The following GSK3B variants were observed in gnomAD, a reference collection of about 807,000 sequenced individuals.
GSK3B encodes glycogen synthase kinase 3 beta.
GSK3B carries 15 observed loss-of-function variants against 56.4 expected under a neutral mutation model. That is an observed-to-expected ratio of 0.27 (90% CI 0.18 to 0.41). GSK3B has a LOEUF of 0.41. GSK3B is among the 10% of genes least tolerant of loss of function. GSK3B has a pLI of 1.00. For synonymous variants in GSK3B, 181 were observed against 188.9 expected (o/e 0.96, Z 0.34); for missense variants, 300 against 513.4 (o/e 0.58, Z 4.02).
At chr3:119,869,231 A>AAAC (rs1170724265) in intron 8 of GSK3B, among the ~76,000 whole-genome samples, 1 of 149,716 alleles carries the variant, frequency 6.7e-6, no homozygotes, top group African/African-American at 2.5e-5. Context: ...CTCAAAAAAA[A>AAAC]AAAAAAAAAA....
chr3:120,069,848 C>T (rs528566914), intron 1 of GSK3B, among the ~76,000 whole-genome samples: 6 of 152,098 alleles, frequency 3.9e-5, no homozygotes, highest in South Asian at 2.1e-4. Context: ...TTTCTTAATG[C>T]CCTATAAAAT....
chr3:120,015,649 CAAAAAAAAAAAAAA>C (rs61520236), intron 1 of GSK3B, among the ~76,000 whole-genome samples: 1,917 of 47,034 alleles, frequency 0.041, 57 homozygotes, highest in African/African-American at 0.12. Flanking sequence ...GACTCTGTCT[CAAAAAAAAAAAAAA>C]AAAAAAAAAA....
At chr3:119,985,409 A>G (rs2057506301) in intron 2 of GSK3B, among the ~76,000 whole-genome samples, 1 of 152,206 alleles carries the variant, frequency 6.6e-6, no homozygotes, top group Admixed American at 6.5e-5. Flanking sequence ...CCCTGTTTGC[A>G]GATGACATGA....
intron 2 of GSK3B, among the ~76,000 whole-genome samples, chr3:119,997,330 T>G (rs554788192): frequency 2.0e-5 from 3 of 152,256 alleles, no homozygotes; most frequent in Admixed American, 2.0e-4. Flanking sequence ...AAGATGTATT[T>G]ACATGGAGGA....
rs200303057 is a variant in GSK3B at position 120,069,869 on chromosome 3, TG to T, written c.88+23477del. On this transcript the variant is annotated intron_variant, in intron 1 of 10. Coordinates refer to ENST00000264235, the MANE Select transcript of GSK3B (RefSeq NM_001146156.2). ...AATGCCCTATAAAATATATTTAAGATGGAATTTCTATTACTTTAAAAATGCA... is the reference window on the plus strand; with the variant it reads ...AATGCCCTATAAAATATATTTAAGATGAATTTCTATTACTTTAAAAATGCA... Among the ~76,000 whole-genome samples, 111 of 152,282 alleles carry T rather than the reference TG, an allele frequency of 7.3e-4. 1 individual carries two copies. The East Asian group carries it at 0.021, about 29-fold the overall frequency.
Position 119,826,659 on chromosome 3 carries a change from A to G in GSK3B, c.*129T>C, listed in dbSNP as rs72548714. 1,503 of 724,198 alleles carry G rather than the reference A, an allele frequency of 2.1e-3. 6 individuals are homozygous for G. The highest frequency in any genetic ancestry group is 3.1e-3 in the Admixed American group (155 of 50,124). The allele number at this position is 724,198 out of a possible 1,614,324, so 44.9% of individuals were successfully genotyped here. A position where few individuals can be genotyped will look rare whatever the true frequency, so the allele number is the denominator to read the frequency against. ...TAAATAAGAACAACAATAATAATAA[A>G]AAAATTGAACACTAAAATGAACAGG... On this transcript the variant is annotated 3_prime_UTR_variant, in exon 11 of 11. Transcript: ENST00000264235.
intron 2 of GSK3B, among the ~76,000 whole-genome samples, chr3:119,993,601 G>C (rs1289894977): frequency 1.3e-5 from 2 of 152,180 alleles, no homozygotes; most frequent in Non-Finnish European, 2.9e-5. Flanking sequence ...AAACTAGCTT[G>C]TAAATTCTAG....
intron 1 of GSK3B, among the ~76,000 whole-genome samples, chr3:120,031,536 T>C (rs2057975503): frequency 6.6e-6 from 1 of 152,148 alleles, no homozygotes; most frequent in African/African-American, 2.4e-5. Flanking sequence ...TTTTTTCCCA[T>C]GGCCCACCTC....
chr3:119,865,454 ATATATATATATATTTT>A (rs1360607439), intron 8 of GSK3B, among the ~76,000 whole-genome samples: 4 of 18,972 alleles, frequency 2.1e-4, no homozygotes, highest in African/African-American at 4.5e-4. Context: ...ATATATATAT[ATATATATATATATTTT>A]TTTTTTTTTT....
chr3:120,020,235 T>G (rs2057864540), intron 1 of GSK3B, among the ~76,000 whole-genome samples: 1 of 152,214 alleles, frequency 6.6e-6, no homozygotes, highest in African/African-American at 2.4e-5. Flanking sequence ...CCATACATTT[T>G]CAAATACTGA....
intron 7 of GSK3B, among the ~76,000 whole-genome samples, chr3:119,905,350 T>C (rs1159989771): frequency 6.6e-6 from 1 of 152,080 alleles, no homozygotes; most frequent in Admixed American, 6.6e-5. Context: ...ATATAAATAG[T>C]GACCAAATAC....
At chr3:120,084,503 C>T (rs1292146806) in intron 1 of GSK3B, 1 of 152,094 alleles carries the variant, frequency 6.6e-6, no homozygotes. Context: ...ATCATATATT[C>T]CTTTATAAAA....
At chr3:120,023,779 G>A (rs1013073634) in intron 1 of GSK3B, among the ~76,000 whole-genome samples, 1 of 152,122 alleles carries the variant, frequency 6.6e-6, no homozygotes, top group Non-Finnish European at 1.5e-5. Context: ...AAAAGATGAA[G>A]AAATGGTCAA....
Position 120,093,974 on chromosome 3 carries a change from CCGG to C in GSK3B, c.-543_-541del, listed in dbSNP as rs1225495991. ...CTGCAGCTCCGGCAAGCCGCGGGATCCGGCGGGCTGACGGCAGGGGCCCGGCGA... is the reference window on the plus strand; with the variant it reads ...CTGCAGCTCCGGCAAGCCGCGGGATCCGGGCTGACGGCAGGGGCCCGGCGA... On this transcript the variant is annotated 5_prime_UTR_variant, in exon 1 of 11. Coordinates refer to ENST00000264235, the MANE Select transcript of GSK3B (RefSeq NM_001146156.2). The C allele has an allele frequency of 2.8e-5, 6 of 212,262 alleles. No homozygotes were observed. Among genetic ancestry groups the C allele is most frequent in the Non-Finnish European group, 5.8e-5 (6 of 103,746 alleles). 13.1% of individuals were successfully genotyped at this position (212,262 alleles called of 1,614,324 possible). A position where few individuals can be genotyped will look rare whatever the true frequency, so the allele number is the denominator to read the frequency against.
intron 6 of GSK3B, among the ~76,000 whole-genome samples, chr3:119,909,851 G>A (rs1427361840): frequency 6.8e-6 from 1 of 147,180 alleles, no homozygotes; most frequent in Non-Finnish European, 1.5e-5. Flanking sequence ...CTAAACATCT[G>A]GGGTGAAGAC....
intron 2 of GSK3B, among the ~76,000 whole-genome samples, chr3:119,970,191 T>A: frequency 6.6e-6 from 1 of 152,228 alleles, no homozygotes; most frequent in East Asian, 1.9e-4. Flanking sequence ...TTTAGTGCCA[T>A]CTGCAGTTTC....
intron 1 of GSK3B, among the ~76,000 whole-genome samples, chr3:120,059,032 C>A (rs115325351): frequency 0.025 from 3,787 of 149,922 alleles, 167 homozygotes; most frequent in African/African-American, 0.087. Flanking sequence ...AAAAAGAATG[C>A]ATGTCAAGAG....
intron 5 of GSK3B, 142 bp downstream of exon 5, chr3:119,915,902 A>C: frequency 1.8e-6 from 1 of 559,802 alleles, no homozygotes. Context: ...TAACAAAACT[A>C]CTCTCACAGC....
At chr3:119,881,816 G>T (rs2056382009) in intron 7 of GSK3B, among the ~76,000 whole-genome samples, 1 of 152,174 alleles carries the variant, frequency 6.6e-6, no homozygotes, top group African/African-American at 2.4e-5. Flanking sequence ...GGAGATAACT[G>T]AATCACGGCA....
Sources: gnomAD v4.1 joint callset for allele counts (sites outside exome capture counted in the v4.1 genomes callset) on GRCh38, gnomAD v4.1.1 for gene constraint, MANE v1.5 for transcripts, NCBI Gene and HGNC (gene_info 2026-07-23, HGNC 2026-07-21) for gene names.